DNAH11: variants seen among roughly 807,000 people sequenced by gnomAD.
The protein encoded by DNAH11 is dynein axonemal heavy chain 11.
In DNAH11, 442 loss-of-function variants were observed where a neutral mutation model predicts 526.0. The observed-to-expected ratio is 0.84, with a 90% CI of 0.78 to 0.91. The LOEUF (loss-of-function observed/expected upper bound fraction) is 0.91, where lower values mean the gene tolerates loss of function less well. Among genes scored for constraint, DNAH11 ranks in the 40% least tolerant of loss-of-function variants. The pLI is 0.00. For missense variants in DNAH11, 6,989 were observed against 5,448.7 expected (o/e 1.28, Z -8.90); for synonymous variants, 2,461 against 1,935.9 (o/e 1.27, Z -7.12).
chr7:21,596,590 T>TA (rs1323609562), intron 14 of DNAH11, among the ~76,000 whole-genome samples: 2 of 152,064 alleles, frequency 1.3e-5, no homozygotes, highest in African/African-American at 2.4e-5. Context: ...TTCTTGATAA[T>TA]AAAAAAATGT....
At chr7:21,615,400 C>A in intron 21 of DNAH11, 128 bp downstream of exon 21, 1 of 996,142 alleles carries the variant, frequency 1.0e-6, no homozygotes, top group Non-Finnish European at 1.4e-6. Context: ...GATCCTCACC[C>A]CAGCCCCAAA....
At chr7:21,821,995 A>G (rs906605058) in intron 65 of DNAH11, among the ~76,000 whole-genome samples, 5 of 151,928 alleles carry the variant, frequency 3.3e-5, no homozygotes, top group East Asian at 1.9e-4. Flanking sequence ...TTCATTTAAC[A>G]TAATACCCTC....
chr7:21,613,541 CTCT>C (rs1404645332), intron 20 of DNAH11, among the ~76,000 whole-genome samples: 3 of 152,270 alleles, frequency 2.0e-5, no homozygotes, highest in South Asian at 2.1e-4. Flanking sequence ...GATGCTAATA[CTCT>C]TCTTTACATA....
intron 25 of DNAH11, among the ~76,000 whole-genome samples, chr7:21,621,069 G>A (rs1264196049): frequency 6.6e-6 from 1 of 151,838 alleles, no homozygotes; most frequent in Non-Finnish European, 1.5e-5. Flanking sequence ...TAATCCTTTG[G>A]GTGTATACCC....
chr7:21,758,496 C>T (rs1786734199), intron 54 of DNAH11, among the ~76,000 whole-genome samples: 1 of 152,092 alleles, frequency 6.6e-6, no homozygotes, highest in South Asian at 2.1e-4. Context: ...TGGAATGTGA[C>T]AGGGAGCAAA....
chr7:21,600,005 C>G lies in DNAH11; in HGVS notation c.2886C>G (p.Asp962Glu). ...AGATTGTGTTTAAACCTTCCCTAGA[C>G]AGAGAGGCTGGGGATGGCTTCTATG... Reference protein sequence around the residue: ...PPEIVFKPSLDREAGDGFYDL... With the variant: ...PPEIVFKPSLEREAGDGFYDL... Residue 962 changes from aspartate to glutamate, a missense_variant, in exon 15 of 82, where the codon GAC (aspartate) becomes GAG (glutamate). Coordinates refer to ENST00000409508, the MANE Select transcript of DNAH11 (RefSeq NM_001277115.2). 1 of 1,613,550 alleles carries G rather than the reference C, an allele frequency of 6.2e-7. No homozygotes were observed. Among genetic ancestry groups the G allele is most frequent in the Non-Finnish European group, 8.5e-7 (1 of 1,179,700 alleles).
intron 65 of DNAH11, among the ~76,000 whole-genome samples, chr7:21,832,448 T>G (rs189682494): frequency 4.6e-5 from 7 of 152,326 alleles, no homozygotes; most frequent in Admixed American, 4.6e-4. Flanking sequence ...TGGCTTTCCA[T>G]TTGCTTGGTA....
At chr7:21,885,537 C>A (rs1471558065) in intron 76 of DNAH11, among the ~76,000 whole-genome samples, 1 of 151,920 alleles carries the variant, frequency 6.6e-6, no homozygotes, top group Non-Finnish European at 1.5e-5. Flanking sequence ...GTTCTCGTGT[C>A]CTATTGCACA....
intron 2 of DNAH11, among the ~76,000 whole-genome samples, chr7:21,558,327 G>A (rs1783304500): frequency 6.6e-6 from 1 of 152,188 alleles, no homozygotes; most frequent in Non-Finnish European, 1.5e-5. Context: ...GGTAGAAGGA[G>A]TTCTGAATAA....
At chr7:21,618,909 C>T (rs557238349) in intron 23 of DNAH11, among the ~76,000 whole-genome samples, 191 bp from the exon 24 acceptor site, 7 of 152,258 alleles carry the variant, frequency 4.6e-5, no homozygotes, top group African/African-American at 1.4e-4. Context: ...CCCTTGCTTC[C>T]GGCAGGTGAC....
At position 21,752,903 on chromosome 7, in the gene DNAH11, G is replaced by A. The variant is rs200257365; in HGVS notation, c.8940+2539G>A. ...AATTTTTTGTATTTTTAGTAGAGAC[G>A]GGGTTTCACCATGTTGGCCAGGCTG... On this transcript the variant is annotated intron_variant, in intron 54 of 81. Coordinates refer to ENST00000409508, the MANE Select transcript of DNAH11 (RefSeq NM_001277115.2). 7.9e-5 allele frequency among the ~76,000 whole-genome samples: 12 copies of A among 152,104 alleles called. No homozygotes were observed. The East Asian group carries it at 1.9e-3, about 25-fold the overall frequency.
intron 25 of DNAH11, among the ~76,000 whole-genome samples, chr7:21,628,913 C>G (rs375047816): frequency 3.2e-4 from 49 of 152,122 alleles, no homozygotes; most frequent in African/African-American, 1.1e-3. Context: ...TGTTTCAGCT[C>G]TCATCCTTGT....
chr7:21,615,086 T>C lies in DNAH11; in HGVS notation c.3853-28T>C, dbSNP rs771657759. 20 of 1,575,518 alleles carry C rather than the reference T, an allele frequency of 1.3e-5. No individual in the cohort carries two copies. The Admixed American group carries it at 3.9e-4, about 30-fold the overall frequency. Reference sequence around the variant, plus strand: ...TGTCTTCTCTTTCTCTGGCAGTTTGTATGCAGGTGTTTATGTTCTCTCCTT... The same window carrying C: ...TGTCTTCTCTTTCTCTGGCAGTTTGCATGCAGGTGTTTATGTTCTCTCCTT... On this transcript the variant is annotated intron_variant, in intron 20 of 81. Transcript: ENST00000409508.
Position 21,725,878 on chromosome 7 carries a change from C to G in DNAH11, c.7334C>G (p.Ser2445Trp). The change falls in exon 45 of 82, where the codon TCG (serine) becomes TGG (tryptophan). Residue 2445 changes from serine (S) to tryptophan (W), a missense_variant. Ser to Trp is a radical substitution (Grantham distance 177). Coordinates refer to ENST00000409508, the MANE Select transcript of DNAH11 (RefSeq NM_001277115.2). ...GAGATGAAAGCAGTGAAATTTCCGTCGCAGGGAACAATCTTTGATTATTAT... is the reference window on the plus strand; with the variant it reads ...GAGATGAAAGCAGTGAAATTTCCGTGGCAGGGAACAATCTTTGATTATTAT... ...QKEMKAVKFP[S>W]QGTIFDYYVD... 2 of 1,609,382 alleles carry G rather than the reference C, an allele frequency of 1.2e-6. No homozygotes were observed. Among genetic ancestry groups the G allele is most frequent in the African/African-American group, 1.3e-5 (1 of 74,970 alleles).
At chr7:21,588,028 T>C (rs774005182) in intron 9 of DNAH11, 36 bp from the exon 10 acceptor site, 36 of 1,603,004 alleles carry the variant, frequency 2.2e-5, no homozygotes, top group Non-Finnish European at 2.7e-5. Context: ...TAAAAACTCA[T>C]AGTGCTTAAT....
chr7:21,763,224 C>G (rs1449231860), intron 54 of DNAH11, among the ~76,000 whole-genome samples: 6 of 151,500 alleles, frequency 4.0e-5, no homozygotes, highest in African/African-American at 1.5e-4. Flanking sequence ...TGTCTGTAGT[C>G]CCAGCTACTC....
chr7:21,873,784 C>CTTTTTGTTTT (rs1783591168), intron 74 of DNAH11, among the ~76,000 whole-genome samples: 2 of 70,698 alleles, frequency 2.8e-5, no homozygotes, highest in Admixed American at 2.5e-4. Context: ...GAGGAGGTTG[C>CTTTTTGTTTT]TTTTTTTTTT....
At chr7:21,820,103 A>C (rs1199995478) in intron 65 of DNAH11, among the ~76,000 whole-genome samples, 2 of 152,158 alleles carry the variant, frequency 1.3e-5, no homozygotes, top group Non-Finnish European at 2.9e-5. Flanking sequence ...TCCCTCTTCC[A>C]TGCAGATGTT....
chr7:21,786,293 CAT>C (rs1361290289), intron 58 of DNAH11, among the ~76,000 whole-genome samples: 7 of 114,370 alleles, frequency 6.1e-5, no homozygotes, highest in African/African-American at 2.6e-4. Flanking sequence ...TATCTTACAA[CAT>C]ATACACATGT....
Sources: gnomAD v4.1 joint callset for allele counts (sites outside exome capture counted in the v4.1 genomes callset) on GRCh38, gnomAD v4.1.1 for gene constraint, MANE v1.5 for transcripts, NCBI Gene and HGNC (gene_info 2026-07-23, HGNC 2026-07-21) for gene names.